ZNF738: variants seen among roughly 807,000 people sequenced by gnomAD.
ZNF738 encodes the protein zinc finger protein 738, also known as protein ZNF738.
ZNF738 carries 10 observed loss-of-function variants against 9.2 expected under a neutral mutation model. That is an observed-to-expected ratio of 1.09 (90% CI 0.67 to 1.85). ZNF738 has a LOEUF of 1.85. Ranked by LOEUF, ZNF738 falls within the 40% of genes most tolerant of loss-of-function variation. The pLI, the probability that ZNF738 is intolerant of heterozygous loss-of-function variation, is 0.00. For synonymous variants in ZNF738, 113 were observed against 94.5 expected, an observed-to-expected ratio of 1.20 and a Z score of -1.14; for missense variants, 346 against 283.6, an observed-to-expected ratio of 1.22 and a Z score of -1.58.
chr19:21,361,731 G>C, intron 1 of ZNF738, 35 bp from the exon 2 acceptor site: 1 of 778,102 alleles, frequency 1.3e-6, no homozygotes, highest in Non-Finnish European at 2.4e-6. Flanking sequence ...AGAGTGTCTA[G>C]TGGATATCAG....
At position 21,383,505 on chromosome 19, in the gene ZNF738, G is replaced by C; in HGVS notation, c.959G>C (p.Gly320Ala). 1.3e-6 allele frequency: 1 copy of C among 799,300 alleles called. No homozygotes were observed. Among genetic ancestry groups the C allele is most frequent in the Non-Finnish European group, 2.1e-6 (1 of 473,618 alleles). The allele number at this position is 799,300 out of a possible 1,614,324, so 49.5% of individuals were successfully genotyped here. A position where few individuals can be genotyped will look rare whatever the true frequency, so the allele number is the denominator to read the frequency against. ...GGAGAGAAACCCTACAAATGTGAAG[G>C]ATGTGGCAAAGCTTTCTGCCAATTC... is the stretch of plus-strand genomic sequence containing the variant. Reference protein sequence around the residue: ...HAGEKPYKCEGCGKAFCQFSY... With the variant: ...HAGEKPYKCEACGKAFCQFSY... The change falls in exon 5 of 5, where the codon GGA becomes GCA. Residue 320 changes from glycine (G) to alanine (A), a missense_variant. Physicochemically the swap from Gly to Ala is moderately conservative, Grantham distance 60. Coordinates refer to ENST00000683779, the MANE Select transcript of ZNF738 (RefSeq NM_001355237.2).
chr19:21,367,092 A>C (rs1413878801), intron 2 of ZNF738, among the ~76,000 whole-genome samples: 4 of 152,312 alleles, frequency 2.6e-5, no homozygotes, highest in African/African-American at 9.6e-5. Flanking sequence ...AGCACCATCT[A>C]AGTCATAATG....
chr19:21,362,671 T>C (rs1429302885), intron 2 of ZNF738, among the ~76,000 whole-genome samples: 1 of 152,182 alleles, frequency 6.6e-6, no homozygotes, highest in African/African-American at 2.4e-5. Context: ...TAGAAAAATA[T>C]TTACAAAGGG....
intron 4 of ZNF738, chr19:21,378,195 T>G (rs2968037): frequency 3.3e-5 from 12 of 362,728 alleles, no homozygotes; most frequent in African/African-American, 2.3e-4. Context: ...ATGTTTATAA[T>G]GATTTCTATG....
At chr19:21,378,167 A>G (rs1973958065) in intron 4 of ZNF738, 3 of 377,834 alleles carry the variant, frequency 7.9e-6, no homozygotes, top group Admixed American at 9.0e-5. Context: ...TTATATTTTT[A>G]TATGTATATT....
intron 2 of ZNF738, among the ~76,000 whole-genome samples, chr19:21,366,909 G>A (rs1215510030): frequency 6.6e-6 from 1 of 152,048 alleles, no homozygotes; most frequent in East Asian, 1.9e-4. Flanking sequence ...CCAGATCTTT[G>A]TGACCTGTAT....
rs1568371672 is a variant in ZNF738 at position 21,383,112 on chromosome 19, TA to T, written c.569del (p.Asn190IlefsTer30). On this transcript the variant is annotated frameshift_variant, in exon 5 of 5. Coordinates refer to ENST00000683779, the MANE Select transcript of ZNF738 (RefSeq NM_001355237.2). LOFTEE classifies it low-confidence loss of function (END_TRUNC). ...TATGTGAAAGTCTTTCATAAATTTT[TA>T]AATTCAAATACACATAAGACAAGAC... is the stretch of plus-strand genomic sequence containing the variant. Reference protein sequence around the residue: ...DKYVKVFHKFLNSNTHKTRHT... With the variant: ...DKYVKVFHKFXNSNTHKTRHT... 1 of 1,436,554 alleles carries T rather than the reference TA, an allele frequency of 7.0e-7. No homozygotes were observed. The highest frequency in any genetic ancestry group is 9.4e-7 in the Non-Finnish European group (1 of 1,062,464). 89.0% of individuals were successfully genotyped at this position (1,436,554 alleles called of 1,614,324 possible).
At chr19:21,381,307 A>G (rs1026407247) in intron 4 of ZNF738, 70 of 1,584,814 alleles carry the variant, frequency 4.4e-5, no homozygotes, top group Non-Finnish European at 5.8e-5. Flanking sequence ...TGTCTTCAAC[A>G]TAGTCCATTT....
chr19:21,375,308 A>C lies in ZNF738; in HGVS notation c.167A>C (p.Gln56Pro), dbSNP rs1973912047. Residue 56 changes from glutamine (Q) to proline (P), a missense_variant, in exon 3 of 5, where the codon CAG becomes CCG. By Grantham distance (76) the Gln-to-Pro change is moderately conservative. Transcript: ENST00000683779. ...GAGTGGCAATGCCTGGACACTGCTC[A>C]GCAAGATTTGTATAGGAAAGTGATG... ...QEEWQCLDTA[Q>P]QDLYRKVMLE... 8.9e-7 allele frequency: 1 copy of C among 1,117,654 alleles called. No individual in the cohort carries two copies. The highest frequency in any genetic ancestry group is 1.2e-5 in the South Asian group (1 of 80,360). The allele number at this position is 1,117,654 out of a possible 1,614,324, so 69.2% of individuals were successfully genotyped here. A position where few individuals can be genotyped will look rare whatever the true frequency, so the allele number is the denominator to read the frequency against.
intron 3 of ZNF738, 99 bp downstream of exon 3, chr19:21,375,463 G>A: frequency 1.8e-6 from 1 of 563,520 alleles, no homozygotes. Context: ...TTGCATAAAT[G>A]CGTTTCTGAT....
At position 21,383,391 on chromosome 19, in the gene ZNF738, A is replaced by G. The variant is rs1248448514; in HGVS notation, c.845A>G (p.His282Arg). ...STTLTRHKVI[H>R]AGEKHYKCEK... Reference sequence around the variant, plus strand: ...ACTCTTACTAGACATAAGGTAATTCATGCTGGAGAGAAACACTACAAATGT... The same window carrying G: ...ACTCTTACTAGACATAAGGTAATTCGTGCTGGAGAGAAACACTACAAATGT... The change falls in exon 5 of 5, where the codon CAT (histidine) becomes CGT (arginine). Residue 282 changes from histidine to arginine, a missense_variant. His to Arg is a conservative substitution (Grantham distance 29, BLOSUM62 0). Transcript: ENST00000683779. 3.2e-6 allele frequency: 2 copies of G among 618,342 alleles called. No individual in the cohort carries two copies. Among genetic ancestry groups the G allele is most frequent in the South Asian group, 2.0e-5 (1 of 49,326 alleles). 38.3% of individuals were successfully genotyped at this position (618,342 alleles called of 1,614,324 possible).
At chr19:21,374,501 A>G (rs1356637364) in intron 2 of ZNF738, among the ~76,000 whole-genome samples, 1 of 152,222 alleles carries the variant, frequency 6.6e-6, no homozygotes, top group Non-Finnish European at 1.5e-5. Flanking sequence ...ATTTACTTCA[A>G]GAGCTCTTGG....
intron 2 of ZNF738, among the ~76,000 whole-genome samples, chr19:21,362,682 C>T (rs1973716415): frequency 6.6e-6 from 1 of 152,128 alleles, no homozygotes; most frequent in South Asian, 2.1e-4. Context: ...TTACAAAGGG[C>T]ATAAAAGACG....
At chr19:21,369,084 A>T (rs1032879799) in intron 2 of ZNF738, among the ~76,000 whole-genome samples, 4 of 151,872 alleles carry the variant, frequency 2.6e-5, no homozygotes, top group African/African-American at 9.7e-5. Context: ...TTTATGTACC[A>T]TATTTTATTT....
intron 4 of ZNF738, chr19:21,378,796 T>G: frequency 4.6e-6 from 1 of 217,262 alleles, no homozygotes; most frequent in South Asian, 4.6e-5. Context: ...ACAGGGTTTC[T>G]CCATGTTGGT....
intron 2 of ZNF738, among the ~76,000 whole-genome samples, chr19:21,365,504 T>A (rs1385761869): frequency 6.6e-6 from 1 of 152,182 alleles, no homozygotes; most frequent in Admixed American, 6.5e-5. Flanking sequence ...AACTACTTCA[T>A]GCTGTATAGG....
chr19:21,362,157 T>C (rs1464902473), intron 2 of ZNF738, among the ~76,000 whole-genome samples: 2 of 151,866 alleles, frequency 1.3e-5, no homozygotes, highest in Non-Finnish European at 2.9e-5. Flanking sequence ...CTACCAACCC[T>C]GCTTCCATTT....
At chr19:21,377,619 T>G (rs1973948033) in intron 4 of ZNF738, 2 of 468,700 alleles carry the variant, frequency 4.3e-6, no homozygotes, top group African/African-American at 4.0e-5. Context: ...TTAAAGTACT[T>G]TATGTAAGAT....
At chr19:21,374,749 C>A (rs983992913) in intron 2 of ZNF738, among the ~76,000 whole-genome samples, 1 of 151,822 alleles carries the variant, frequency 6.6e-6, no homozygotes, top group Admixed American at 6.6e-5. Context: ...ACAAAATGTT[C>A]TTTTTGGGCG....
Sources: gnomAD v4.1 joint callset for allele counts (sites outside exome capture counted in the v4.1 genomes callset) on GRCh38, gnomAD v4.1.1 for gene constraint, MANE v1.5 for transcripts, NCBI Gene and HGNC (gene_info 2026-07-23, HGNC 2026-07-21) for gene names.